The following MAPK9 variants were observed in gnomAD, a reference collection of about 807,000 sequenced individuals.
The protein encoded by MAPK9 is mitogen-activated protein kinase 9.
Under a neutral mutation model 57.1 loss-of-function variants are expected in MAPK9, and 30 were observed. The observed-to-expected ratio is 0.53, with a 90% CI of 0.39 to 0.71. MAPK9 has a LOEUF of 0.71. Among genes scored for constraint, MAPK9 ranks in the 30% least tolerant of loss-of-function variants. The pLI, the probability that MAPK9 is intolerant of heterozygous loss-of-function variation, is 0.00. For synonymous variants in MAPK9, 155 were observed against 177.0 expected, an observed-to-expected ratio of 0.88 and a Z score of 0.99; for missense variants, 362 against 521.0, an observed-to-expected ratio of 0.69 and a Z score of 2.97.
At chr5:180,290,610 T>C (rs1028126755) in intron 1 of MAPK9, among the ~76,000 whole-genome samples, 1 of 152,242 alleles carries the variant, frequency 6.6e-6, no homozygotes, top group Non-Finnish European at 1.5e-5. Context: ...ATTATAAAAA[T>C]GTGAGATTTT....
intron 2 of MAPK9, among the ~76,000 whole-genome samples, chr5:180,276,736 C>T (rs1158482603): frequency 6.6e-6 from 1 of 152,142 alleles, no homozygotes; most frequent in African/African-American, 2.4e-5. Context: ...CACCTGTAAT[C>T]CCAGCTACTC....
intron 5 of MAPK9, among the ~76,000 whole-genome samples, chr5:180,252,339 C>A (rs1758798866): frequency 6.6e-6 from 1 of 152,190 alleles, no homozygotes; most frequent in African/African-American, 2.4e-5. Flanking sequence ...CCTTGACATG[C>A]ACAGCAGCTG....
At chr5:180,271,793 G>A (rs1256895746) in intron 2 of MAPK9, among the ~76,000 whole-genome samples, 3 of 152,146 alleles carry the variant, frequency 2.0e-5, no homozygotes, top group Non-Finnish European at 4.4e-5. Context: ...CAGGATCAAG[G>A]ACAAAGGATT....
At chr5:180,241,504 T>A (rs562697647) in intron 8 of MAPK9, among the ~76,000 whole-genome samples, 8 of 152,156 alleles carry the variant, frequency 5.3e-5, no homozygotes, top group African/African-American at 1.9e-4. Flanking sequence ...TTTCACTGTG[T>A]TAGGCAGGAT....
chr5:180,250,915 C>T (rs1211490782), intron 5 of MAPK9, among the ~76,000 whole-genome samples: 1 of 152,084 alleles, frequency 6.6e-6, no homozygotes, highest in Admixed American at 6.5e-5. Flanking sequence ...AGGGACGCTC[C>T]GCTGTGAGGA....
At position 180,236,347 on chromosome 5, in the gene MAPK9, T is replaced by C. The variant is rs374139305; in HGVS notation, c.*37A>G. On this transcript the variant is annotated 3_prime_UTR_variant, in exon 12 of 12. Coordinates refer to ENST00000452135, the MANE Select transcript of MAPK9 (RefSeq NM_002752.5). ...CATTTCAGGCCCACGGAGGTGAGAG[T>C]TCCTTCAATGCTGACAGGTTTGCTA... 3 of 1,567,720 alleles carry C rather than the reference T, an allele frequency of 1.9e-6. No individual in the cohort carries two copies. The highest frequency in any genetic ancestry group is 2.7e-5 in the African/African-American group (2 of 73,818).
chr5:180,278,684 T>C (rs1762044209), intron 2 of MAPK9, among the ~76,000 whole-genome samples: 1 of 152,004 alleles, frequency 6.6e-6, no homozygotes, highest in African/African-American at 2.4e-5. Flanking sequence ...GGTGACAAAG[T>C]GAGACTCTGT....
chr5:180,253,706 G>A (rs1758950585), intron 5 of MAPK9: 1 of 152,292 alleles, frequency 6.6e-6, no homozygotes, highest in South Asian at 2.1e-4. Context: ...AAGGCACGGT[G>A]AGGCCTGCCT....
intron 1 of MAPK9, among the ~76,000 whole-genome samples, chr5:180,290,914 A>G (rs1207480558): frequency 1.3e-5 from 2 of 152,228 alleles, no homozygotes; most frequent in Non-Finnish European, 2.9e-5. Context: ...AGTCGGGGAG[A>G]CAGAAAATAA....
Position 180,248,957 on chromosome 5 carries a change from C to T in MAPK9, c.616+16G>A, listed in dbSNP as rs769636786. 6.3e-7 allele frequency: 1 copy of T among 1,580,694 alleles called. No homozygotes were observed. Among genetic ancestry groups the T allele is most frequent in the South Asian group, 1.2e-5 (1 of 86,726 alleles). ...TTCTAAACATCCCAGCCTCTTCCAG[C>T]CCCGGCTATACTCACCGTTCTCTTT... is the stretch of plus-strand genomic sequence containing the variant. On this transcript the variant is annotated intron_variant, in intron 6 of 11. Coordinates refer to ENST00000452135, the MANE Select transcript of MAPK9 (RefSeq NM_002752.5).
intron 1 of MAPK9, among the ~76,000 whole-genome samples, 161 bp downstream of exon 1, chr5:180,291,687 C>T (rs1386653195): frequency 6.6e-6 from 1 of 151,328 alleles, no homozygotes; most frequent in Non-Finnish European, 1.5e-5. Flanking sequence ...GAAGGGGGCG[C>T]CTGCGGCATC....
At chr5:180,272,544 A>G (rs1407338712) in intron 2 of MAPK9, among the ~76,000 whole-genome samples, 1 of 152,198 alleles carries the variant, frequency 6.6e-6, no homozygotes, top group African/African-American at 2.4e-5. Flanking sequence ...TTTGACATGT[A>G]CAATAATCAC....
Position 180,235,158 on chromosome 5 carries a change from A to G in MAPK9, c.*1226T>C, listed in dbSNP as rs1482385114. ...TAAATCAGAAAATAGTCAATAGTTA[A>G]TCATGACTCTTCAGGGTATTTCCTT... On this transcript the variant is annotated 3_prime_UTR_variant, in exon 12 of 12. Coordinates refer to ENST00000452135, the MANE Select transcript of MAPK9 (RefSeq NM_002752.5). 1 of 152,246 alleles carries G rather than the reference A, an allele frequency of 6.6e-6. No homozygotes were observed. Among genetic ancestry groups the G allele is most frequent in the East Asian group, 1.9e-4 (1 of 5,204 alleles). The allele number at this position is 152,246 out of a possible 1,614,324, so 9.4% of individuals were successfully genotyped here.
At chr5:180,280,896 A>G (rs1482437665) in intron 1 of MAPK9, among the ~76,000 whole-genome samples, 1 of 152,206 alleles carries the variant, frequency 6.6e-6, no homozygotes, top group Non-Finnish European at 1.5e-5. Flanking sequence ...ACTACTGGCT[A>G]TGAAAAGACT....
At chr5:180,269,834 TGAG>T (rs753876422) in intron 2 of MAPK9, among the ~76,000 whole-genome samples, 7 of 152,374 alleles carry the variant, frequency 4.6e-5, no homozygotes, top group African/African-American at 7.2e-5. Flanking sequence ...GCTGAATTCA[TGAG>T]GAGAATAAAT....
chr5:180,270,874 G>GA (rs59452958), intron 2 of MAPK9, among the ~76,000 whole-genome samples: 4 of 126,006 alleles, frequency 3.2e-5, no homozygotes, highest in South Asian at 2.5e-4. Context: ...AAAAAAAAAA[G>GA]AAAAAGAAAA....
intron 2 of MAPK9, among the ~76,000 whole-genome samples, chr5:180,277,788 GCTTT>G (rs1221749513): frequency 6.6e-6 from 1 of 152,126 alleles, no homozygotes; most frequent in Non-Finnish European, 1.5e-5. Context: ...GGAAAAGCAA[GCTTT>G]TTTTTCTTTT....
At position 180,240,820 on chromosome 5, in the gene MAPK9, G is replaced by A. The variant is rs112360221; in HGVS notation, c.996+211C>T. ...AAATGGAGACTGGTAGCACCAAAGC[G>A]GAAGTTCATTCCCGAGGTACTCTGA... On this transcript the variant is annotated intron_variant, in intron 9 of 11. Coordinates refer to ENST00000452135, the MANE Select transcript of MAPK9 (RefSeq NM_002752.5). Among the ~76,000 whole-genome samples the A allele has an allele frequency of 5.9e-5, 9 of 152,310 alleles. No homozygotes were observed. The South Asian group carries it at 6.2e-4, about 11-fold the overall frequency.
intron 1 of MAPK9, among the ~76,000 whole-genome samples, chr5:180,285,893 A>G (rs1762699965): frequency 6.6e-6 from 1 of 151,720 alleles, no homozygotes; most frequent in South Asian, 2.1e-4. Context: ...CCTGGCTAAC[A>G]TGGTGAAACT....
Sources: gnomAD v4.1 joint callset for allele counts (sites outside exome capture counted in the v4.1 genomes callset) on GRCh38, gnomAD v4.1.1 for gene constraint, MANE v1.5 for transcripts, NCBI Gene and HGNC (gene_info 2026-07-23, HGNC 2026-07-21) for gene names.